MARCHF1: variants seen among roughly 807,000 people sequenced by gnomAD.
MARCHF1 encodes the protein E3 ubiquitin-protein ligase MARCHF1.
In MARCHF1, 40 loss-of-function variants were observed where a neutral mutation model predicts 54.2. The observed-to-expected ratio is 0.74, with a 90% CI of 0.57 to 0.96. The LOEUF (loss-of-function observed/expected upper bound fraction) is 0.96, where lower values mean the gene tolerates loss of function less well. Among genes scored for constraint, MARCHF1 ranks in the 40% least tolerant of loss-of-function variants. MARCHF1 has a pLI of 0.00. For missense variants in MARCHF1, 586 were observed against 656.5 expected (o/e 0.89, Z 1.17); for synonymous variants, 236 against 236.3 (o/e 1.00, Z 0.01).
intron 3 of MARCHF1, among the ~76,000 whole-genome samples, chr4:163,857,601 A>G (rs1454428199): frequency 1.3e-5 from 2 of 152,188 alleles, no homozygotes; most frequent in Admixed American, 6.5e-5. Flanking sequence ...GGAAATTGAG[A>G]TTTAACTAAG....
intron 1 of MARCHF1, among the ~76,000 whole-genome samples, chr4:164,220,021 T>C (rs1052737553): frequency 3.3e-5 from 5 of 151,892 alleles, no homozygotes; most frequent in Non-Finnish European, 7.4e-5. Flanking sequence ...GGTCACTTTG[T>C]ATGTATCTAA....
chr4:164,151,254 A>G (rs1729928367), intron 1 of MARCHF1, among the ~76,000 whole-genome samples: 1 of 152,194 alleles, frequency 6.6e-6, no homozygotes, highest in East Asian at 1.9e-4. Flanking sequence ...AGACAGTTCT[A>G]AGGAGAAAAA....
chr4:163,610,419 C>G (rs911171561), intron 7 of MARCHF1, among the ~76,000 whole-genome samples: 1 of 152,058 alleles, frequency 6.6e-6, no homozygotes, highest in Non-Finnish European at 1.5e-5. Flanking sequence ...AATTAAATAT[C>G]CTGTCTTTGA....
At chr4:163,784,820 A>G (rs1747570416) in intron 4 of MARCHF1, among the ~76,000 whole-genome samples, 1 of 149,718 alleles carries the variant, frequency 6.7e-6, no homozygotes. Flanking sequence ...TAAGTGAAGG[A>G]TTTTTCTATG....
chr4:164,007,217 G>A (rs1414264368), intron 2 of MARCHF1, among the ~76,000 whole-genome samples: 1 of 150,214 alleles, frequency 6.7e-6, no homozygotes, highest in African/African-American at 2.4e-5. Flanking sequence ...GTGGTGGCAG[G>A]CACCTGTAGT....
intron 1 of MARCHF1, among the ~76,000 whole-genome samples, chr4:164,141,939 A>AATGGGCGCAGGTCAGTGG (rs1553985878): frequency 9.9e-5 from 15 of 151,112 alleles, no homozygotes; most frequent in African/African-American, 3.7e-4. Context: ...AGTGCCAGAC[A>AATGGGCGCAGGTCAGTGG]GTGGGCGCAG....
intron 1 of MARCHF1, among the ~76,000 whole-genome samples, chr4:164,114,913 A>G (rs1755910372): frequency 6.6e-6 from 1 of 151,998 alleles, no homozygotes; most frequent in African/African-American, 2.4e-5. Flanking sequence ...TTCCATGTCA[A>G]TGACTACTGA....
chr4:163,867,220 C>A (rs1373305435), intron 3 of MARCHF1, among the ~76,000 whole-genome samples: 1 of 151,810 alleles, frequency 6.6e-6, no homozygotes, highest in Admixed American at 6.6e-5. Flanking sequence ...GTCTGAGACG[C>A]CCAACATAAA....
intron 5 of MARCHF1, among the ~76,000 whole-genome samples, chr4:163,655,615 G>A (rs1175527622): frequency 6.6e-6 from 1 of 151,478 alleles, no homozygotes; most frequent in Non-Finnish European, 1.5e-5. Context: ...TTTTCTTGGT[G>A]TTACATGGAA....
chr4:164,052,150 T>TG (rs1019929526), intron 2 of MARCHF1, among the ~76,000 whole-genome samples: 13 of 151,884 alleles, frequency 8.6e-5, no homozygotes, highest in African/African-American at 2.4e-4. Context: ...TTTTTTTGTT[T>TG]TTTTTGTATT....
chr4:164,086,724 G>A (rs1407055698), intron 2 of MARCHF1, among the ~76,000 whole-genome samples: 3 of 152,082 alleles, frequency 2.0e-5, no homozygotes, highest in Admixed American at 6.5e-5. Flanking sequence ...AATGAAAATG[G>A]TACTTAGGGG....
chr4:164,292,639 A>T (rs1213514153), intron 1 of MARCHF1, among the ~76,000 whole-genome samples: 1 of 152,212 alleles, frequency 6.6e-6, no homozygotes, highest in African/African-American at 2.4e-5. Flanking sequence ...TAGTGTCTCA[A>T]CTACCACCTG....
chr4:163,793,723 AT>A (rs1747832155), intron 4 of MARCHF1, among the ~76,000 whole-genome samples: 1 of 152,188 alleles, frequency 6.6e-6, no homozygotes, highest in South Asian at 2.1e-4. Context: ...GATTACAGAC[AT>A]TGTACAGAAA....
At chr4:164,244,147 A>G (rs552370836) in intron 1 of MARCHF1, among the ~76,000 whole-genome samples, 164 of 152,074 alleles carry the variant, frequency 1.1e-3, no homozygotes, top group African/African-American at 3.8e-3. Flanking sequence ...AAATCAACAG[A>G]ATATACATTT....
At chr4:164,190,155 G>A (rs1560946359) in intron 1 of MARCHF1, 2 of 1,557,734 alleles carry the variant, frequency 1.3e-6, no homozygotes, top group Non-Finnish European at 1.7e-6. Context: ...GGAGACCATG[G>A]AAAAAGCTGT....
intron 2 of MARCHF1, among the ~76,000 whole-genome samples, chr4:164,004,246 CAT>C (rs70948686): frequency 2.0e-5 from 3 of 149,952 alleles, no homozygotes; most frequent in African/African-American, 7.3e-5. Flanking sequence ...TGTTTACATA[CAT>C]ATATATATAT....
At chr4:164,169,621 A>G (rs1265039768) in intron 1 of MARCHF1, among the ~76,000 whole-genome samples, 1 of 152,140 alleles carries the variant, frequency 6.6e-6, no homozygotes, top group African/African-American at 2.4e-5. Flanking sequence ...AGAGAAATAT[A>G]TGTTTTTTAA....
At chr4:163,817,362 C>T (rs529633770) in intron 4 of MARCHF1, among the ~76,000 whole-genome samples, 2 of 144,650 alleles carry the variant, frequency 1.4e-5, no homozygotes, top group African/African-American at 5.4e-5. Flanking sequence ...CATATACATA[C>T]ATACATATAC....
chr4:163,985,087 T>C (rs1163404632), intron 3 of MARCHF1, among the ~76,000 whole-genome samples: 1 of 152,168 alleles, frequency 6.6e-6, no homozygotes, highest in Non-Finnish European at 1.5e-5. Context: ...AAACATTCCA[T>C]CACATATATA....
Sources: gnomAD v4.1 joint callset for allele counts (sites outside exome capture counted in the v4.1 genomes callset) on GRCh38, gnomAD v4.1.1 for gene constraint, MANE v1.5 for transcripts, NCBI Gene and HGNC (gene_info 2026-07-23, HGNC 2026-07-21) for gene names.